Variants in RNF157 observed in about 807,000 individuals in gnomAD.
The protein encoded by RNF157 is E3 ubiquitin ligase RNF157.
RNF157 carries 55 observed loss-of-function variants against 88.3 expected under a neutral mutation model. The observed-to-expected ratio is 0.62, with a 90% CI of 0.50 to 0.78. The LOEUF is 0.78. Among genes scored for constraint, RNF157 ranks in the 30% least tolerant of loss-of-function variants. The pLI is 0.00. For synonymous variants in RNF157, 334 were observed against 341.2 expected, an observed-to-expected ratio of 0.98 and a Z score of 0.23; for missense variants, 788 against 860.8, an observed-to-expected ratio of 0.92 and a Z score of 1.06.
rs1224055323 is a variant in RNF157 at position 76,147,126 on chromosome 17, G to GT, written c.1922-1774dup. Reference sequence around the variant, plus strand: ...TGGAGCCTGGGACATGAGTCAAGGTGTTTTTTTTCACCTCTAATGGTGGCA... The same window carrying GT: ...TGGAGCCTGGGACATGAGTCAAGGTGTTTTTTTTTCACCTCTAATGGTGGCA... On this transcript the variant is annotated intron_variant, in intron 18 of 18. Transcript: ENST00000269391. The GT allele has an allele frequency of 2.6e-5, 26 of 984,782 alleles. No individual in the cohort carries two copies. In the East Asian group the frequency reaches 6.8e-4, roughly 26 times the overall value. 61.0% of individuals were successfully genotyped at this position (984,782 alleles called of 1,614,324 possible).
intron 2 of RNF157, among the ~76,000 whole-genome samples, chr17:76,174,452 G>T (rs1185356584): frequency 6.6e-6 from 1 of 152,164 alleles, no homozygotes; most frequent in Non-Finnish European, 1.5e-5. Context: ...CTGAGTTGTT[G>T]ATAATGATGA....
intron 2 of RNF157, among the ~76,000 whole-genome samples, chr17:76,186,541 A>C (rs868842318): frequency 7.2e-5 from 11 of 151,810 alleles, no homozygotes; most frequent in Middle Eastern, 3.2e-3. Context: ...AAAAAACCCC[A>C]AAAAAACTAC....
chr17:76,165,679 CAT>C, intron 6 of RNF157, 134 bp from the exon 7 acceptor site: 8 of 879,692 alleles, frequency 9.1e-6, no homozygotes, highest in Non-Finnish European at 1.1e-5. Context: ...TTATATAACC[CAT>C]ACTTTTTTTT....
chr17:76,191,255 C>T (rs184573282), intron 2 of RNF157, among the ~76,000 whole-genome samples: 2 of 151,684 alleles, frequency 1.3e-5, no homozygotes, highest in Admixed American at 6.6e-5. Context: ...GCAGGAGGAT[C>T]GCTGGAGCCC....
intron 2 of RNF157, chr17:76,212,094 G>A: frequency 3.6e-6 from 1 of 274,788 alleles, no homozygotes; most frequent in Non-Finnish European, 6.8e-6. Context: ...CTTGGAAAAG[G>A]GTTGCCTAAA....
chr17:76,192,381 A>G (rs1291967982), intron 2 of RNF157, among the ~76,000 whole-genome samples: 6 of 152,210 alleles, frequency 3.9e-5, no homozygotes, highest in Non-Finnish European at 8.8e-5. Context: ...TATTATAGCT[A>G]TGTATGTCCA....
chr17:76,187,850 A>G (rs1487846893), intron 2 of RNF157, among the ~76,000 whole-genome samples: 1 of 152,154 alleles, frequency 6.6e-6, no homozygotes, highest in Non-Finnish European at 1.5e-5. Flanking sequence ...TGCCTGCCTT[A>G]GCCTTCCAAA....
Position 76,143,783 on chromosome 17 carries a change from C to G in RNF157, c.*1452G>C, listed in dbSNP as rs1396887337. The G allele has an allele frequency of 6.6e-6, 1 of 151,304 alleles. No individual in the cohort carries two copies. Among genetic ancestry groups the G allele is most frequent in the Non-Finnish European group, 1.5e-5 (1 of 67,884 alleles). 9.4% of individuals were successfully genotyped at this position (151,304 alleles called of 1,614,324 possible). The stretch of plus-strand genomic sequence containing the variant: ...TGAATTTTTTTTTTTTTGTTTGAGA[C>G]AGAGTTTCGATCTTTTCAATCTTGT... On this transcript the variant is annotated 3_prime_UTR_variant, in exon 19 of 19. Transcript: ENST00000269391.
intron 2 of RNF157, among the ~76,000 whole-genome samples, chr17:76,185,116 T>G (rs949931722): frequency 6.6e-6 from 1 of 152,198 alleles, no homozygotes; most frequent in South Asian, 2.1e-4. Context: ...CTTGACTCAT[T>G]GTTTGAGAAT....
At chr17:76,211,554 CTT>C (rs1355172332) in intron 2 of RNF157, among the ~76,000 whole-genome samples, 2 of 152,214 alleles carry the variant, frequency 1.3e-5, no homozygotes, top group Admixed American at 1.3e-4. Flanking sequence ...AGTTACATGA[CTT>C]TGAGAAAAAT....
At chr17:76,162,889 C>T (rs1368092124) in intron 8 of RNF157, 4 of 328,638 alleles carry the variant, frequency 1.2e-5, no homozygotes. Flanking sequence ...AATACTTGCA[C>T]TGCAGCATAC....
At chr17:76,185,178 A>G (rs2144921946) in intron 2 of RNF157, among the ~76,000 whole-genome samples, 1 of 152,190 alleles carries the variant, frequency 6.6e-6, no homozygotes, top group African/African-American at 2.4e-5. Context: ...ACACACCTAC[A>G]TGGCTACGTG....
chr17:76,168,700 C>T (rs1354612063), intron 3 of RNF157, among the ~76,000 whole-genome samples: 1 of 152,086 alleles, frequency 6.6e-6, no homozygotes, highest in African/African-American at 2.4e-5. Context: ...CTCATGTTTC[C>T]TGCACCTCAA....
At chr17:76,234,205 CA>C (rs1178806913) in intron 1 of RNF157, among the ~76,000 whole-genome samples, 2 of 152,214 alleles carry the variant, frequency 1.3e-5, no homozygotes, top group Non-Finnish European at 2.9e-5. Context: ...TAGCACATAT[CA>C]AATCTTCATT....
intron 1 of RNF157, among the ~76,000 whole-genome samples, chr17:76,214,410 C>T (rs942483477): frequency 1.3e-5 from 2 of 152,052 alleles, no homozygotes; most frequent in Non-Finnish European, 1.5e-5. Context: ...TTTCATAAGC[C>T]AGCTTATACC....
At chr17:76,155,451 C>G in intron 15 of RNF157, 111 bp downstream of exon 15, 1 of 1,470,712 alleles carries the variant, frequency 6.8e-7, no homozygotes, top group Non-Finnish European at 9.4e-7. Flanking sequence ...CTGCAGCACT[C>G]CTGGCATTTT....
chr17:76,222,594 GATTTTC>G (rs1217378242), intron 1 of RNF157, among the ~76,000 whole-genome samples: 1 of 152,102 alleles, frequency 6.6e-6, no homozygotes, highest in East Asian at 1.9e-4. Context: ...AATTATCCCT[GATTTTC>G]ATCTGTAAGA....
chr17:76,154,566 G>C, intron 16 of RNF157: 1 of 496,034 alleles, frequency 2.0e-6, no homozygotes, highest in Middle Eastern at 5.4e-4. Flanking sequence ...TGCTCAGAAT[G>C]GTCTGTCAGG....
At chr17:76,225,412 C>T (rs963002909) in intron 1 of RNF157, among the ~76,000 whole-genome samples, 8 of 152,138 alleles carry the variant, frequency 5.3e-5, no homozygotes, top group African/African-American at 1.9e-4. Flanking sequence ...TAACCCTACT[C>T]CATAAGAAGT....
Sources: gnomAD v4.1 joint callset for allele counts (sites outside exome capture counted in the v4.1 genomes callset) on GRCh38, gnomAD v4.1.1 for gene constraint, MANE v1.5 for transcripts, NCBI Gene and HGNC (gene_info 2026-07-23, HGNC 2026-07-21) for gene names.